Variants in CACNG4 observed in about 807,000 individuals in gnomAD.
The protein encoded by CACNG4 is calcium voltage-gated channel auxiliary subunit gamma 4, also known as voltage-dependent calcium channel gamma-4 subunit.
CACNG4 carries 8 observed loss-of-function variants against 22.9 expected under a neutral mutation model. The observed-to-expected ratio is 0.35, with a 90% CI of 0.21 to 0.63. The LOEUF (loss-of-function observed/expected upper bound fraction) is 0.63. Ranked by LOEUF, CACNG4 falls within the 30% of genes least tolerant of loss-of-function variation. The pLI, the probability that CACNG4 is intolerant of heterozygous loss-of-function variation, is 0.72. For missense variants in CACNG4, 357 were observed against 455.4 expected (o/e 0.78, Z 1.97); for synonymous variants, 188 against 191.9 (o/e 0.98, Z 0.17).
At chr17:66,985,458 G>C (rs890611745) in intron 1 of CACNG4, among the ~76,000 whole-genome samples, 1 of 152,222 alleles carries the variant, frequency 6.6e-6, no homozygotes, top group Non-Finnish European at 1.5e-5. Context: ...GGTGAGGCTT[G>C]TGATGTTAGA....
chr17:66,972,977 G>A (rs1451391592), intron 1 of CACNG4, among the ~76,000 whole-genome samples: 1 of 149,724 alleles, frequency 6.7e-6, no homozygotes, highest in Non-Finnish European at 1.5e-5. Context: ...CAGGTGCAGT[G>A]GCTCGCGCCT....
At chr17:66,990,948 G>A (rs2035336769) in intron 1 of CACNG4, among the ~76,000 whole-genome samples, 1 of 152,096 alleles carries the variant, frequency 6.6e-6, no homozygotes, top group African/African-American at 2.4e-5. Flanking sequence ...CCAAAGTGCT[G>A]GGATTACAGG....
intron 3 of CACNG4, among the ~76,000 whole-genome samples, 180 bp downstream of exon 3, chr17:67,025,180 G>GAGC (rs2143369755): frequency 6.6e-6 from 1 of 152,358 alleles, no homozygotes; most frequent in African/African-American, 2.4e-5. Flanking sequence ...GGAGAATGGG[G>GAGC]AGCAGCTGCC....
rs149148414 is a variant in CACNG4 at position 67,017,782 on chromosome 17, C to T, written c.221-407C>T. Among the ~76,000 whole-genome samples, 3 of 152,088 alleles carry T rather than the reference C, an allele frequency of 2.0e-5. No homozygotes were observed. In the East Asian group the frequency reaches 5.8e-4, roughly 29 times the overall value. The stretch of plus-strand genomic sequence containing the variant: ...CCACCCACCTCGGCCTCCTAAAATG[C>T]TGGGATTACAGGCATGAGCCACCGT... On this transcript the variant is annotated intron_variant, in intron 1 of 3. Coordinates refer to ENST00000262138, the MANE Select transcript of CACNG4 (RefSeq NM_014405.4).
chr17:66,965,252 C>G, intron 1 of CACNG4, 121 bp downstream of exon 1: 1 of 641,038 alleles, frequency 1.6e-6, no homozygotes, highest in Non-Finnish European at 2.5e-6. Context: ...GCGCGCGGGC[C>G]GGGGAGAGGG....
At chr17:67,021,051 A>G (rs1446828471) in intron 2 of CACNG4, among the ~76,000 whole-genome samples, 1 of 152,154 alleles carries the variant, frequency 6.6e-6, no homozygotes, top group Admixed American at 6.5e-5. Flanking sequence ...ATAAAAATAA[A>G]TTAGCCAGAA....
chr17:66,976,731 G>C lies in CACNG4; in HGVS notation c.220+11600G>C, dbSNP rs1040297604. 1.8e-4 allele frequency among the ~76,000 whole-genome samples: 27 copies of C among 149,706 alleles called. No individual in the cohort carries two copies. In the East Asian group the frequency reaches 5.5e-3, roughly 30 times the overall value. Reference sequence around the variant, plus strand: ...AAGTGCTGTGAGAAGCACAGCGGCCGTGCTCCCACAGAGGCACCACACAGG... The same window carrying C: ...AAGTGCTGTGAGAAGCACAGCGGCCCTGCTCCCACAGAGGCACCACACAGG... On this transcript the variant is annotated intron_variant, in intron 1 of 3. Coordinates refer to ENST00000262138, the MANE Select transcript of CACNG4 (RefSeq NM_014405.4).
At chr17:66,987,443 C>T (rs1383294008) in intron 1 of CACNG4, among the ~76,000 whole-genome samples, 3 of 152,184 alleles carry the variant, frequency 2.0e-5, no homozygotes, top group African/African-American at 4.8e-5. Context: ...ATTACTCTCT[C>T]AGTCAGGGTC....
chr17:67,013,847 T>A (rs1400738404), intron 1 of CACNG4, among the ~76,000 whole-genome samples: 1 of 151,944 alleles, frequency 6.6e-6, no homozygotes, highest in African/African-American at 2.4e-5. Context: ...TGTCCCCTGA[T>A]ATGTGCAGAT....
At chr17:66,994,878 G>T (rs568256655) in intron 1 of CACNG4, among the ~76,000 whole-genome samples, 1 of 152,270 alleles carries the variant, frequency 6.6e-6, no homozygotes, top group Admixed American at 6.5e-5. Context: ...GTGAAGGGGG[G>T]AATGGGGGCA....
rs890030781 is a variant in CACNG4 at position 67,030,917 on chromosome 17, C to T, written c.897C>T (p.Ser299=). ...GCTACAGCCCCGACCAGGAGGCCAG[C>T]TTCCTGCAGGTGCATGACTTTTTCC... ...AASYSPDQEA[S]FLQVHDFFQQ... Residue 299 remains serine (S), a synonymous_variant, in exon 4 of 4, where the codon AGC becomes AGT. Coordinates refer to ENST00000262138, the MANE Select transcript of CACNG4 (RefSeq NM_014405.4). The surrounding 1 kb of genome is among the most constrained non-coding windows in gnomAD (Gnocchi z 6.4). The T allele has an allele frequency of 1.9e-6, 3 of 1,613,310 alleles. No homozygotes were observed. The highest frequency in any genetic ancestry group is 2.5e-6 in the Non-Finnish European group (3 of 1,180,032).
chr17:67,028,478 G>A (rs952025823), intron 3 of CACNG4, among the ~76,000 whole-genome samples: 3 of 152,164 alleles, frequency 2.0e-5, no homozygotes, highest in Admixed American at 6.5e-5. Context: ...GCGTGAACCC[G>A]GGAGGCGGAG....
intron 2 of CACNG4, among the ~76,000 whole-genome samples, chr17:67,019,406 C>G (rs545523206): frequency 3.5e-4 from 53 of 152,268 alleles, no homozygotes; most frequent in African/African-American, 1.2e-3. Context: ...GGGGCCCACA[C>G]TGAACCAAGC....
chr17:67,010,303 C>T (rs2035461349), intron 1 of CACNG4, among the ~76,000 whole-genome samples: 1 of 152,170 alleles, frequency 6.6e-6, no homozygotes. Flanking sequence ...AGCCAATACC[C>T]TCAGCCCCAG....
intron 1 of CACNG4, among the ~76,000 whole-genome samples, chr17:67,005,045 G>A (rs1288647952): frequency 6.6e-6 from 1 of 152,200 alleles, no homozygotes; most frequent in Non-Finnish European, 1.5e-5. Flanking sequence ...TGTATCGGAA[G>A]GATGTGGAAG....
chr17:66,994,871 A>G (rs1437246934), intron 1 of CACNG4, among the ~76,000 whole-genome samples: 2 of 152,098 alleles, frequency 1.3e-5, no homozygotes, highest in Non-Finnish European at 1.5e-5. Flanking sequence ...CAGGGTGGTG[A>G]AGGGGGGAAT....
At chr17:66,985,536 G>A (rs1366492129) in intron 1 of CACNG4, among the ~76,000 whole-genome samples, 1 of 152,192 alleles carries the variant, frequency 6.6e-6, no homozygotes, top group East Asian at 1.9e-4. Context: ...AAAGTCCCGG[G>A]GGGCTTCCCA....
intron 1 of CACNG4, among the ~76,000 whole-genome samples, chr17:66,994,849 G>A (rs1025514398): frequency 8.5e-5 from 13 of 152,142 alleles, no homozygotes; most frequent in Non-Finnish European, 1.5e-4. Flanking sequence ...GGGAGTGAGA[G>A]GTCTTCCCAG....
chr17:66,969,892 G>T (rs1360450409), intron 1 of CACNG4, among the ~76,000 whole-genome samples: 1 of 152,130 alleles, frequency 6.6e-6, no homozygotes, highest in Non-Finnish European at 1.5e-5. Flanking sequence ...ATCTGTGTTT[G>T]CTTTCATTTT....
Sources: allele counts gnomAD v4.1 joint callset (sites outside exome capture counted in the v4.1 genomes callset), GRCh38; gene constraint gnomAD v4.1.1; non-coding constraint Gnocchi (gnomAD v3.1); transcripts MANE v1.5; gene names NCBI Gene and HGNC (gene_info 2026-07-23, HGNC 2026-07-21).